MTF1: variants seen among roughly 807,000 people sequenced by gnomAD.
MTF1 encodes MRE-binding transcription factor.
MTF1 carries 22 observed loss-of-function variants against 70.4 expected under a neutral mutation model. The ratio of observed to expected loss-of-function variants is 0.31; its 90% CI spans 0.22 to 0.45. MTF1 has a LOEUF of 0.45. Ranked by LOEUF, MTF1 falls within the 20% of genes least tolerant of loss-of-function variation. The pLI is 1.00. For synonymous variants in MTF1, 333 were observed against 352.8 expected, an observed-to-expected ratio of 0.94 and a Z score of 0.63; for missense variants, 649 against 922.0, an observed-to-expected ratio of 0.70 and a Z score of 3.83.
intron 1 of MTF1, among the ~76,000 whole-genome samples, chr1:37,858,791 A>C (rs1020367950): frequency 6.6e-6 from 1 of 152,224 alleles, no homozygotes; most frequent in Non-Finnish European, 1.5e-5. Flanking sequence ...TCTTGAGAAA[A>C]ATACCACATT....
At chr1:37,825,031 C>A (rs1383007995) in intron 7 of MTF1, among the ~76,000 whole-genome samples, 1 of 152,112 alleles carries the variant, frequency 6.6e-6, no homozygotes, top group African/African-American at 2.4e-5. Flanking sequence ...ACCTCCAATC[C>A]ACCTCTACCC....
intron 5 of MTF1, 137 bp from the exon 6 acceptor site, chr1:37,835,352 C>A (rs1052028618): frequency 1.4e-6 from 1 of 722,274 alleles, no homozygotes; most frequent in Non-Finnish European, 2.3e-6. Context: ...CAATAAATTA[C>A]ACATTAATCA....
rs777503497 is a variant in MTF1 at position 37,839,931 on chromosome 1, G to C, written c.636C>G (p.Asn212Lys). Reference sequence around the variant, plus strand: ...GAGACGAGACTGACCTGTACAGTGTGTTGAATGCCTTCTCACAGCCCTGCA... The same window carrying C: ...GAGACGAGACTGACCTGTACAGTGTCTTGAATGCCTTCTCACAGCCCTGCA... ...CDVQGCEKAF[N>K]TLYRLKAHQR... Residue 212 changes from asparagine to lysine, a missense_variant, in exon 3 of 11, where the codon AAC becomes AAG. Asn to Lys is a moderately conservative substitution (Grantham distance 94). Around this residue, in one of 7 missense-constraint regions of MTF1, gnomAD observed 118 missense variants for 287.2 expected, o/e 0.41. Transcript: ENST00000373036. 6.2e-7 allele frequency: 1 copy of C among 1,613,936 alleles called. No homozygotes were observed. Among genetic ancestry groups the C allele is most frequent in the Admixed American group, 1.7e-5 (1 of 60,034 alleles).
chr1:37,817,312 G>A lies in MTF1; in HGVS notation c.1831+107C>T, dbSNP rs1327272153. Reference sequence around the variant, plus strand: ...CAATGTGAAGAATTTAACTGAGGCTGTTTAAAGATTTTTAAAGTTTTAGAA... The same window carrying A: ...CAATGTGAAGAATTTAACTGAGGCTATTTAAAGATTTTTAAAGTTTTAGAA... On this transcript the variant is annotated intron_variant, in intron 10 of 10. Coordinates refer to ENST00000373036, the MANE Select transcript of MTF1 (RefSeq NM_005955.3). 4 of 750,348 alleles carry A rather than the reference G, an allele frequency of 5.3e-6. No individual in the cohort carries two copies. The African/African-American group carries it at 7.0e-5, about 13-fold the overall frequency. 46.5% of individuals were successfully genotyped at this position (750,348 alleles called of 1,614,324 possible).
chr1:37,846,904 A>G (rs1311165763), intron 2 of MTF1, among the ~76,000 whole-genome samples: 4 of 152,172 alleles, frequency 2.6e-5, no homozygotes, highest in Non-Finnish European at 5.9e-5. Flanking sequence ...CACCTAGCAC[A>G]TGAACATTCT....
intron 2 of MTF1, among the ~76,000 whole-genome samples, chr1:37,844,820 C>G (rs983820569): frequency 6.6e-6 from 1 of 152,178 alleles, no homozygotes; most frequent in Non-Finnish European, 1.5e-5. Context: ...ATGACCCTTC[C>G]TCTAGGAACT....
At chr1:37,823,346 G>A (rs1481299589) in intron 8 of MTF1, among the ~76,000 whole-genome samples, 1 of 152,104 alleles carries the variant, frequency 6.6e-6, no homozygotes, top group Non-Finnish European at 1.5e-5. Context: ...AGGAGGCTGA[G>A]GTGGGAGGAT....
Position 37,814,695 on chromosome 1 carries a change from C to G in MTF1, c.*441G>C. On this transcript the variant is annotated 3_prime_UTR_variant, in exon 11 of 11. Coordinates refer to ENST00000373036, the MANE Select transcript of MTF1 (RefSeq NM_005955.3). ...TCTGGCCTTCCAAGCAAATGTCAGC[C>G]TCAGATTCAAAAGACACATAGGAAG... 5.7e-6 allele frequency: 1 copy of G among 176,014 alleles called. No individual in the cohort carries two copies. The highest frequency in any genetic ancestry group is 1.2e-5 in the Non-Finnish European group (1 of 81,562). 10.9% of individuals were successfully genotyped at this position (176,014 alleles called of 1,614,324 possible).
chr1:37,838,035 C>T (rs1409280069), intron 4 of MTF1, among the ~76,000 whole-genome samples: 1 of 152,154 alleles, frequency 6.6e-6, no homozygotes, highest in Non-Finnish European at 1.5e-5. Context: ...ATTAGATATA[C>T]ATATGTTGAC....
At chr1:37,843,617 A>G (rs1003156341) in intron 2 of MTF1, among the ~76,000 whole-genome samples, 4 of 152,226 alleles carry the variant, frequency 2.6e-5, no homozygotes, top group African/African-American at 4.8e-5. Context: ...CAATACGTAA[A>G]TGAACCAGCA....
chr1:37,857,290 G>A lies in MTF1; in HGVS notation c.369C>T (p.Leu123=), dbSNP rs775895184. The change falls in exon 2 of 11, where the codon CTC becomes CTT. Residue 123 remains leucine (L), a synonymous_variant. Coordinates refer to ENST00000373036, the MANE Select transcript of MTF1 (RefSeq NM_005955.3). ...PMPRNIEGAT[L]TLQSECPETK... is the part of the protein sequence containing the mutation. ...TTTCCGGACATTCCGACTGCAGAGT[G>A]AGGGTTGCACCTTCAATATTTCTTG... 1.9e-6 allele frequency: 3 copies of A among 1,613,894 alleles called. No homozygotes were observed. The highest frequency in any genetic ancestry group is 2.5e-6 in the Non-Finnish European group (3 of 1,179,878).
Position 37,840,343 on chromosome 1 carries a change from A to G in MTF1, c.409-185T>C, listed in dbSNP as rs2148414645. The G allele has an allele frequency of 1.6e-6, 1 of 612,284 alleles. No individual in the cohort carries two copies. Among genetic ancestry groups the G allele is most frequent in the East Asian group, 2.8e-5 (1 of 35,620 alleles). 37.9% of individuals were successfully genotyped at this position (612,284 alleles called of 1,614,324 possible). On this transcript the variant is annotated intron_variant, in intron 2 of 10. Coordinates refer to ENST00000373036, the MANE Select transcript of MTF1 (RefSeq NM_005955.3). The surrounding 1 kb of genome is among the most constrained non-coding windows in gnomAD (Gnocchi z 4.5). ...ATTGTTGATCAAATCATACCTGGAC[A>G]ACACATAATGATTTATGGGGAAGAA...
chr1:37,839,773 G>T, intron 3 of MTF1, 147 bp downstream of exon 3: 2 of 653,504 alleles, frequency 3.1e-6, no homozygotes, highest in African/African-American at 1.8e-5. Context: ...TCTGAGATCT[G>T]GCAGAAATGA....
chr1:37,825,266 T>C (rs559278597), intron 7 of MTF1, among the ~76,000 whole-genome samples: 1 of 152,234 alleles, frequency 6.6e-6, no homozygotes, highest in African/African-American at 2.4e-5. Flanking sequence ...CAGGGTTTCT[T>C]TACTCTGTTG....
chr1:37,836,847 T>A (rs371226456), intron 4 of MTF1, among the ~76,000 whole-genome samples: 2 of 152,046 alleles, frequency 1.3e-5, no homozygotes, highest in Non-Finnish European at 2.9e-5. Flanking sequence ...TAAAGTCTCA[T>A]TGAATATTCA....
chr1:37,828,531 C>G (rs1339831682), intron 7 of MTF1, among the ~76,000 whole-genome samples: 1 of 152,156 alleles, frequency 6.6e-6, no homozygotes, highest in African/African-American at 2.4e-5. Context: ...TCTCAAACTC[C>G]TGACCTCAGG....
intron 8 of MTF1, among the ~76,000 whole-genome samples, chr1:37,823,307 G>A (rs954346286): frequency 2.0e-5 from 3 of 152,072 alleles, no homozygotes; most frequent in Admixed American, 6.6e-5. Context: ...GCTGGGTGTG[G>A]TAGCACGTGC....
intron 7 of MTF1, among the ~76,000 whole-genome samples, chr1:37,829,113 CTCT>C (rs1641046826): frequency 7.4e-6 from 1 of 134,388 alleles, no homozygotes; most frequent in African/African-American, 2.5e-5. Context: ...TCCTGATTCT[CTCT>C]TTTTTTTCTT....
At chr1:37,853,053 C>T (rs547214222) in intron 2 of MTF1, among the ~76,000 whole-genome samples, 7 of 152,340 alleles carry the variant, frequency 4.6e-5, no homozygotes, top group Non-Finnish European at 7.3e-5. Flanking sequence ...GGCCACTATC[C>T]TTTCTTCAGA....
Sources: gnomAD v4.1 joint callset for allele counts (sites outside exome capture counted in the v4.1 genomes callset) on GRCh38, gnomAD v4.1.1 for gene constraint, gnomAD v4.1.1 regional missense constraint, Gnocchi (gnomAD v3.1) non-coding constraint, MANE v1.5 for transcripts, NCBI Gene and HGNC (gene_info 2026-07-23, HGNC 2026-07-21) for gene names.